FAM110B: variants seen among roughly 807,000 people sequenced by gnomAD.
The protein encoded by FAM110B is family with sequence similarity 110 member B.
Under a neutral mutation model 20.4 loss-of-function variants are expected in FAM110B, and 6 were observed. That is an observed-to-expected ratio of 0.29 (90% CI 0.16 to 0.58). The LOEUF (loss-of-function observed/expected upper bound fraction) is 0.58. Among genes scored for constraint, FAM110B ranks in the 20% least tolerant of loss-of-function variants. FAM110B has a pLI of 0.90. For synonymous variants in FAM110B, 226 were observed against 214.1 expected (o/e 1.06, Z -0.49); for missense variants, 434 against 498.2 (o/e 0.87, Z 1.23).
At position 58,146,755 on chromosome 8, in the gene FAM110B, G is replaced by A. The variant is rs1381568901; in HGVS notation, c.525G>A (p.Gln175=). ...VYPTQGRRSP[Q]EGGSHVGRRL... is the part of the protein sequence containing the mutation. ...CCACGCAGGGCCGCAGGAGCCCGCAGGAGGGCGGCTCCCACGTGGGCAGGA... is the reference window on the plus strand; with the variant it reads ...CCACGCAGGGCCGCAGGAGCCCGCAAGAGGGCGGCTCCCACGTGGGCAGGA... The change falls in exon 4 of 4, where the codon CAG becomes CAA. Residue 175 remains glutamine, a synonymous_variant. Transcript: ENST00000519262. 6.2e-7 allele frequency: 1 copy of A among 1,612,062 alleles called. No individual in the cohort carries two copies. Among genetic ancestry groups the A allele is most frequent in the Non-Finnish European group, 8.5e-7 (1 of 1,179,108 alleles).
rs186911822 is a variant in FAM110B, at chr8:58,114,142, A to G, written c.-324-31765A>G. Among the ~76,000 whole-genome samples, 372 of 152,140 alleles carry G rather than the reference A, an allele frequency of 2.4e-3. 1 individual carries two copies. Among genetic ancestry groups the G allele is most frequent in the African/African-American group, 8.6e-3 (358 of 41,508 alleles). ...GCTAATATTTGTGCAGGGAGATACT[A>G]TTTTTCCAGCTATTGCTATGATGTG... On this transcript the variant is annotated intron_variant, in intron 3 of 3. Transcript: ENST00000519262.
intron 3 of FAM110B, among the ~76,000 whole-genome samples, chr8:58,090,161 T>G (rs865999540): frequency 7.2e-5 from 11 of 152,132 alleles, no homozygotes; most frequent in Admixed American, 6.5e-4. Flanking sequence ...TTCTCTTTTT[T>G]GGGGGGCAGG....
rs908478846 is a variant in FAM110B, at chr8:58,147,017, T to C, written c.787T>C (p.Leu263=). The C allele has an allele frequency of 2.5e-6, 4 of 1,614,194 alleles. No homozygotes were observed. The highest frequency in any genetic ancestry group is 2.2e-5 in the East Asian group (1 of 44,876). The change falls in exon 4 of 4, where the codon TTG becomes CTG. Residue 263 remains leucine (L), a synonymous_variant. Coordinates refer to ENST00000519262, the MANE Select transcript of FAM110B (RefSeq NM_001377989.1). ...RPSLQRSKSD[L]SDRYFRVDAD... ...CTCCCTCCAGCGGTCTAAGTCAGAC[T>C]TGAGTGACAGATATTTCCGAGTGGA...
rs1803861553 is a variant in FAM110B at position 58,146,277 on chromosome 8, G to A, written c.47G>A (p.Ser16Asn). The A allele has an allele frequency of 6.2e-7, 1 of 1,613,042 alleles. No homozygotes were observed. Among genetic ancestry groups the A allele is most frequent in the Non-Finnish European group, 8.5e-7 (1 of 1,179,484 alleles). ...ACAGGTAGCATGGTGAAGCCGGTCA[G>A]CCCCGCGGGCACCTTCACCTCTGCT... ...LQTGSMVKPV[S>N]PAGTFTSAVP... is the part of the protein sequence containing the mutation. The change falls in exon 4 of 4, where the codon AGC becomes AAC. Residue 16 changes from serine (S) to asparagine (N), a missense_variant. Around this residue, in one of 3 missense-constraint regions of FAM110B, gnomAD observed 56 missense variants for 82.1 expected, o/e 0.68. Coordinates refer to ENST00000519262, the MANE Select transcript of FAM110B (RefSeq NM_001377989.1).
At chr8:58,118,417 G>A (rs1807271732) in intron 3 of FAM110B, among the ~76,000 whole-genome samples, 1 of 152,170 alleles carries the variant, frequency 6.6e-6, no homozygotes, top group African/African-American at 2.4e-5. Flanking sequence ...TCCCAAAACG[G>A]GTTATCTTTT....
At chr8:58,130,633 A>G (rs1014257568) in intron 3 of FAM110B, among the ~76,000 whole-genome samples, 8 of 152,202 alleles carry the variant, frequency 5.3e-5, no homozygotes, top group South Asian at 2.1e-4. Context: ...ATTCATGTCA[A>G]TACCTCCAGT....
rs547178559 is a variant in FAM110B, at chr8:58,038,582, T to C, written c.-414+6879T>C. Among the ~76,000 whole-genome samples the C allele has an allele frequency of 3.3e-5, 5 of 152,230 alleles. No individual in the cohort carries two copies. The South Asian group carries it at 1.0e-3, about 32-fold the overall frequency. On this transcript the variant is annotated intron_variant, in intron 2 of 3. Coordinates refer to ENST00000519262, the MANE Select transcript of FAM110B (RefSeq NM_001377989.1). ...GCCTGGCCAACATGGTGAAACCCCATCTCTACTAAAAACGCAAAAGTTAGC... is the reference window on the plus strand; with the variant it reads ...GCCTGGCCAACATGGTGAAACCCCACCTCTACTAAAAACGCAAAAGTTAGC...
intron 2 of FAM110B, among the ~76,000 whole-genome samples, chr8:58,066,535 C>G (rs1478492651): frequency 6.6e-6 from 1 of 152,132 alleles, no homozygotes; most frequent in Non-Finnish European, 1.5e-5. Flanking sequence ...TCTGGTATGC[C>G]ACACTCTTCA....
chr8:58,143,826 G>A (rs1433148222), intron 3 of FAM110B, among the ~76,000 whole-genome samples: 1 of 152,202 alleles, frequency 6.6e-6, no homozygotes, highest in African/African-American at 2.4e-5. Flanking sequence ...AAGATGGTTA[G>A]AAGAGAAGCA....
intron 3 of FAM110B, among the ~76,000 whole-genome samples, chr8:58,118,780 T>A (rs933669748): frequency 1.2e-4 from 18 of 152,198 alleles, no homozygotes; most frequent in Admixed American, 1.2e-3. Context: ...CTTAGTGATA[T>A]AACTTCAGAT....
intron 3 of FAM110B, chr8:58,113,487 T>C: frequency 5.2e-6 from 1 of 190,634 alleles, no homozygotes; most frequent in African/African-American, 2.3e-5. Context: ...TGAGCATGGA[T>C]CAAACACTGT....
chr8:58,110,719 G>A (rs796864487), intron 3 of FAM110B, among the ~76,000 whole-genome samples: 10 of 151,986 alleles, frequency 6.6e-5, no homozygotes, highest in Middle Eastern at 3.4e-3. Flanking sequence ...TTCAAATGTC[G>A]ATCAACAGGG....
intron 2 of FAM110B, among the ~76,000 whole-genome samples, chr8:58,073,700 T>C (rs560003147): frequency 6.6e-6 from 1 of 152,332 alleles, no homozygotes; most frequent in Non-Finnish European, 1.5e-5. Flanking sequence ...CTTTTGGAAC[T>C]GTTTGCATTG....
chr8:58,026,703 A>G (rs1311601846), intron 1 of FAM110B, among the ~76,000 whole-genome samples: 5 of 152,206 alleles, frequency 3.3e-5, no homozygotes. Flanking sequence ...TGGTGAAAAC[A>G]GCGCTTTCAT....
chr8:58,140,861 C>G (rs1284648088), intron 3 of FAM110B, among the ~76,000 whole-genome samples: 2 of 152,234 alleles, frequency 1.3e-5, no homozygotes, highest in Non-Finnish European at 2.9e-5. Context: ...TGCCACAGTC[C>G]TGCCAAATTT....
intron 1 of FAM110B, among the ~76,000 whole-genome samples, chr8:58,024,418 G>A (rs1371965462): frequency 6.6e-6 from 1 of 152,008 alleles, no homozygotes; most frequent in Non-Finnish European, 1.5e-5. Flanking sequence ...GGAAATCAAT[G>A]ATCCATAACC....
At chr8:58,087,579 T>C (rs139715074) in intron 3 of FAM110B, among the ~76,000 whole-genome samples, 31 of 152,228 alleles carry the variant, frequency 2.0e-4, no homozygotes, top group Admixed American at 1.8e-3. Flanking sequence ...ACTCCAAAAC[T>C]TGACCTCTCT....
Position 58,129,565 on chromosome 8 carries a change from C to T in FAM110B, c.-324-16342C>T, listed in dbSNP as rs551792713. ...TCCCTTGGCCTGGAGGAAAGGAAGG[C>T]GCTGCTGGAGGCACTGTACACATTC... On this transcript the variant is annotated intron_variant, in intron 3 of 3. Coordinates refer to ENST00000519262, the MANE Select transcript of FAM110B (RefSeq NM_001377989.1). Among the ~76,000 whole-genome samples the T allele has an allele frequency of 2.5e-4, 38 of 152,276 alleles. No homozygotes were observed. In the South Asian group the frequency reaches 6.2e-3, roughly 25 times the overall value.
chr8:58,045,489 G>A (rs1452827719), intron 2 of FAM110B, among the ~76,000 whole-genome samples: 1 of 152,124 alleles, frequency 6.6e-6, no homozygotes. Flanking sequence ...GTCTGTTTCT[G>A]TGAACAGCTT....
Sources: gnomAD v4.1 joint callset for allele counts (sites outside exome capture counted in the v4.1 genomes callset) on GRCh38, gnomAD v4.1.1 for gene constraint, gnomAD v4.1.1 regional missense constraint, MANE v1.5 for transcripts, NCBI Gene and HGNC (gene_info 2026-07-23, HGNC 2026-07-21) for gene names.